The following ATP11A variants were observed in gnomAD, a reference collection of about 807,000 sequenced individuals.
The protein encoded by ATP11A is phospholipid-transporting ATPase IH.
ATP11A carries 81 observed loss-of-function variants against 154.4 expected under a neutral mutation model. The ratio of observed to expected loss-of-function variants is 0.52; its 90% CI spans 0.44 to 0.63. ATP11A has a LOEUF of 0.63. Among genes scored for constraint, ATP11A ranks in the 30% least tolerant of loss-of-function variants. The probability of loss-of-function intolerance (pLI) is 0.00; values close to 1 mark genes in which losing one functional copy is unlikely to be tolerated. For missense variants in ATP11A, 1,316 were observed against 1,474.3 expected, an observed-to-expected ratio of 0.89 and a Z score of 1.76; for synonymous variants, 623 against 585.9, an observed-to-expected ratio of 1.06 and a Z score of -0.91.
chr13:112,855,201 TG>T (rs1255633143), intron 19 of ATP11A, among the ~76,000 whole-genome samples: 224 of 152,282 alleles, frequency 1.5e-3, no homozygotes, highest in African/African-American at 5.1e-3. Flanking sequence ...GGGTTTTTTT[TG>T]TTGTTTTTTG....
chr13:112,710,649 C>T (rs1025612299), intron 1 of ATP11A, among the ~76,000 whole-genome samples: 9 of 152,246 alleles, frequency 5.9e-5, no homozygotes, highest in African/African-American at 2.2e-4. Flanking sequence ...TCTCTGGTTC[C>T]AGGGAGGGGT....
chr13:112,726,366 C>T (rs1889892401), intron 1 of ATP11A, among the ~76,000 whole-genome samples: 1 of 150,596 alleles, frequency 6.6e-6, no homozygotes, highest in Admixed American at 6.6e-5. Flanking sequence ...GGGAGAGGGG[C>T]TGTGGGGAAA....
At chr13:112,775,642 T>G (rs2139972925) in intron 1 of ATP11A, among the ~76,000 whole-genome samples, 1 of 152,370 alleles carries the variant, frequency 6.6e-6, no homozygotes, top group Non-Finnish European at 1.5e-5. Context: ...GCAAAAATGT[T>G]AACATTTGTG....
At chr13:112,837,994 A>C (rs1307367404) in intron 16 of ATP11A, among the ~76,000 whole-genome samples, 2 of 152,102 alleles carry the variant, frequency 1.3e-5, no homozygotes, top group African/African-American at 4.8e-5. Context: ...GTCACACAGC[A>C]TCACCTCTGA....
At position 112,859,581 on chromosome 13, in the gene ATP11A, C is replaced by G; in HGVS notation, c.2727+129C>G. On this transcript the variant is annotated intron_variant, in intron 23 of 29. Transcript: ENST00000375645. The surrounding 1 kb of genome is among the most constrained non-coding windows in gnomAD (Gnocchi z 4.3). ...CCGGCACCACGAGGGAGCCAGGGTG[C>G]CCAGCAGCAGGCGGGGGTGAAGGGT... The G allele has an allele frequency of 1.2e-6, 1 of 824,914 alleles. No individual in the cohort carries two copies. The highest frequency in any genetic ancestry group is 2.1e-6 in the Non-Finnish European group (1 of 480,134). The allele number at this position is 824,914 out of a possible 1,614,324, so 51.1% of individuals were successfully genotyped here. A position where few individuals can be genotyped will look rare whatever the true frequency, so the allele number is the denominator to read the frequency against.
At chr13:112,738,319 A>G (rs1249160707) in intron 1 of ATP11A, among the ~76,000 whole-genome samples, 2 of 152,142 alleles carry the variant, frequency 1.3e-5, no homozygotes, top group Admixed American at 6.5e-5. Flanking sequence ...GTTGCAGTGA[A>G]TTGAGATCAC....
At chr13:112,827,290 C>G (rs1014589086) in intron 12 of ATP11A, among the ~76,000 whole-genome samples, 47 of 152,360 alleles carry the variant, frequency 3.1e-4, no homozygotes, top group African/African-American at 1.1e-3. Flanking sequence ...TGGTGGATTG[C>G]AAAGAGTTCA....
chr13:112,883,044 G>A lies in ATP11A; in HGVS notation c.*1178G>A, dbSNP rs1166113444. ...CCACGTCCCCTCATCCCGTCACCTC[G>A]TCCCCACATCCCCTTGCCCCGTCAC... On this transcript the variant is annotated 3_prime_UTR_variant, in exon 30 of 30. Coordinates refer to ENST00000375645, the MANE Select transcript of ATP11A (RefSeq NM_015205.3). 1.0e-5 allele frequency: 4 copies of A among 391,218 alleles called. No homozygotes were observed. The highest frequency in any genetic ancestry group is 1.3e-4 in the South Asian group (1 of 7,698). The allele number at this position is 391,218 out of a possible 1,614,324, so 24.2% of individuals were successfully genotyped here.
chr13:112,843,927 T>G (rs1594150236), intron 17 of ATP11A, among the ~76,000 whole-genome samples: 1 of 152,178 alleles, frequency 6.6e-6, no homozygotes, highest in South Asian at 2.1e-4. Context: ...ATTGTTGAAC[T>G]TCTCTGTGAG....
chr13:112,769,191 C>G (rs2077168359), intron 1 of ATP11A, among the ~76,000 whole-genome samples: 1 of 152,220 alleles, frequency 6.6e-6, no homozygotes, highest in Non-Finnish European at 1.5e-5. Context: ...TTGCCTTTCT[C>G]TTCTTGAGTC....
Position 112,884,341 on chromosome 13 carries a change from A to G in ATP11A, c.*2475A>G, listed in dbSNP as rs777515335. 2 of 152,654 alleles carry G rather than the reference A, an allele frequency of 1.3e-5. No individual in the cohort carries two copies. The highest frequency in any genetic ancestry group is 3.1e-3 in the Middle Eastern group (1 of 318). 9.5% of individuals were successfully genotyped at this position (152,654 alleles called of 1,614,324 possible). A position where few individuals can be genotyped will look rare whatever the true frequency, so the allele number is the denominator to read the frequency against. On this transcript the variant is annotated 3_prime_UTR_variant, in exon 30 of 30. Transcript: ENST00000375645. ...AAGATTCTCACGTGAAGGTTTAGTA[A>G]GTTGGGTCCCAGCTCTGCCTGTGTG...
chr13:112,880,460 TC>T, intron 29 of ATP11A: 1 of 1,114,616 alleles, frequency 9.0e-7, no homozygotes. Flanking sequence ...CCTGCTGGGG[TC>T]CCACGGATGG....
intron 16 of ATP11A, 149 bp downstream of exon 16, chr13:112,836,400 A>G (rs533775385): frequency 1.5e-5 from 8 of 521,256 alleles, no homozygotes; most frequent in Admixed American, 3.7e-5. Flanking sequence ...CTCTCAAAAT[A>G]CTAATTTTTT....
intron 20 of ATP11A, chr13:112,856,348 T>TAAA (rs34662024): frequency 6.3e-5 from 11 of 175,716 alleles, no homozygotes; most frequent in South Asian, 1.7e-4. Context: ...TGACTTCTGT[T>TAAA]AAAAAAAAAA....
chr13:112,782,696 G>A (rs570836022), intron 1 of ATP11A, among the ~76,000 whole-genome samples: 18 of 152,330 alleles, frequency 1.2e-4, no homozygotes, highest in Admixed American at 3.3e-4. Flanking sequence ...AGGAGGGCCC[G>A]TCCTCGTGGG....
intron 17 of ATP11A, among the ~76,000 whole-genome samples, chr13:112,850,829 T>G (rs2079743045): frequency 6.6e-6 from 1 of 152,244 alleles, no homozygotes; most frequent in Non-Finnish European, 1.5e-5. Context: ...ACTTAAATAA[T>G]TCACTTGTTG....
At chr13:112,856,978 G>A (rs1022385086) in intron 20 of ATP11A, among the ~76,000 whole-genome samples, 4 of 152,310 alleles carry the variant, frequency 2.6e-5, no homozygotes, top group African/African-American at 4.8e-5. Flanking sequence ...TGAGGAAGAC[G>A]GTTTGATGTC....
rs187731196 is a variant in ATP11A at position 112,704,316 on chromosome 13, C to T, written c.39+13861C>T. ...ATTGTAGGTTGTGACTGCTCTCAGT[C>T]GGTAGTTAGGGTGGCCTCTGGCGAT... On this transcript the variant is annotated intron_variant, in intron 1 of 29. Transcript: ENST00000375645. Among the ~76,000 whole-genome samples, 69 of 152,326 alleles carry T rather than the reference C, an allele frequency of 4.5e-4. 1 individual carries two copies. The highest frequency in any genetic ancestry group is 1.4e-3 in the African/African-American group (57 of 41,576).
At position 112,834,663 on chromosome 13, in the gene ATP11A, A is replaced by T. The variant is rs767086937; in HGVS notation, c.1631+3A>T. ...AACAGGGAGAACCACATCGAAAGGTATGTGCAGACCTCACCCTCAGATGTG... is the reference window on the plus strand; with the variant it reads ...AACAGGGAGAACCACATCGAAAGGTTTGTGCAGACCTCACCCTCAGATGTG... On this transcript the variant is annotated splice_donor_region_variant and intron_variant, in intron 15 of 29. Coordinates refer to ENST00000375645, the MANE Select transcript of ATP11A (RefSeq NM_015205.3). The T allele has an allele frequency of 8.7e-6, 14 of 1,610,200 alleles. No homozygotes were observed. The Admixed American group carries it at 2.3e-4, about 27-fold the overall frequency.
Sources: gnomAD v4.1 joint callset for allele counts (sites outside exome capture counted in the v4.1 genomes callset) on GRCh38, gnomAD v4.1.1 for gene constraint, Gnocchi (gnomAD v3.1) non-coding constraint, MANE v1.5 for transcripts, NCBI Gene and HGNC (gene_info 2026-07-23, HGNC 2026-07-21) for gene names.